The following NRCAM variants were observed in gnomAD, a reference collection of about 807,000 sequenced individuals.
NRCAM encodes NgCAM-related cell adhesion molecule.
Under a neutral mutation model 156.5 loss-of-function variants are expected in NRCAM, and 83 were observed. That is an observed-to-expected ratio of 0.53 (90% CI 0.44 to 0.64). NRCAM has a LOEUF of 0.64. NRCAM is among the 30% of genes least tolerant of loss of function. NRCAM has a pLI of 0.00. For synonymous variants in NRCAM, 538 were observed against 563.9 expected, an observed-to-expected ratio of 0.95 and a Z score of 0.65; for missense variants, 1,417 against 1,597.3, an observed-to-expected ratio of 0.89 and a Z score of 1.92.
chr7:108,438,079 A>T (rs940747432), intron 1 of NRCAM, among the ~76,000 whole-genome samples: 1 of 151,880 alleles, frequency 6.6e-6, no homozygotes, highest in Non-Finnish European at 1.5e-5. Context: ...AAATATTCCT[A>T]AAAGAAAAAT....
chr7:108,322,629 T>G (rs2099016021), intron 2 of NRCAM, among the ~76,000 whole-genome samples: 1 of 152,168 alleles, frequency 6.6e-6, no homozygotes, highest in Non-Finnish European at 1.5e-5. Flanking sequence ...AAACCTGCAT[T>G]ATAGATATCT....
chr7:108,332,068 A>AT (rs2099132632), intron 2 of NRCAM, among the ~76,000 whole-genome samples: 1 of 152,176 alleles, frequency 6.6e-6, no homozygotes, highest in Admixed American at 6.5e-5. Context: ...GGCATCAAAG[A>AT]GTGTGTTTCT....
intron 12 of NRCAM, 43 bp downstream of exon 12, chr7:108,209,378 G>A (rs2082863653): frequency 7.7e-7 from 1 of 1,305,268 alleles, no homozygotes; most frequent in East Asian, 2.6e-5. Flanking sequence ...AAAGTTTCAG[G>A]GTCTCTCATG....
chr7:108,455,050 CCGCGGG>C (rs1341319503), intron 1 of NRCAM, among the ~76,000 whole-genome samples: 3 of 152,250 alleles, frequency 2.0e-5, no homozygotes, highest in Admixed American at 6.5e-5. Context: ...GAAGATGTGG[CCGCGGG>C]CGCGGGCGGG....
intron 29 of NRCAM, among the ~76,000 whole-genome samples, chr7:108,167,714 T>C (rs892166412): frequency 6.6e-6 from 1 of 152,216 alleles, no homozygotes; most frequent in African/African-American, 2.4e-5. Context: ...TTTCATAAAC[T>C]GCTGAAAGTG....
intron 2 of NRCAM, among the ~76,000 whole-genome samples, chr7:108,345,618 A>G (rs2099347651): frequency 6.6e-6 from 1 of 152,206 alleles, no homozygotes; most frequent in Non-Finnish European, 1.5e-5. Flanking sequence ...ATTAATGGCC[A>G]TATAAGAAAA....
chr7:108,382,195 G>A (rs2099704566), intron 2 of NRCAM, among the ~76,000 whole-genome samples: 1 of 151,680 alleles, frequency 6.6e-6, no homozygotes. Flanking sequence ...CCGGAGGAGG[G>A]AGATTTTGCT....
rs1479757821 is a variant in NRCAM, at chr7:108,175,376, G to A, written c.3152-19C>T. 3.2e-6 allele frequency: 5 copies of A among 1,557,402 alleles called. No individual in the cohort carries two copies. Among genetic ancestry groups the A allele is most frequent in the Non-Finnish European group, 4.4e-6 (5 of 1,148,840 alleles). On this transcript the variant is annotated intron_variant, in intron 27 of 32. Coordinates refer to ENST00000379028, the MANE Select transcript of NRCAM (RefSeq NM_001037132.4). ...ATACCAGCTTTAATGAAGGGAAACA[G>A]AAATAGGACACTATATAGTTAGATG...
At chr7:108,175,715 C>A (rs938037737) in intron 27 of NRCAM, among the ~76,000 whole-genome samples, 1 of 152,058 alleles carries the variant, frequency 6.6e-6, no homozygotes, top group East Asian at 1.9e-4. Context: ...AATGAATAAT[C>A]CTTAAGCAAC....
intron 3 of NRCAM, among the ~76,000 whole-genome samples, chr7:108,271,234 T>A (rs768113543): frequency 6.6e-6 from 1 of 152,170 alleles, no homozygotes; most frequent in Non-Finnish European, 1.5e-5. Flanking sequence ...ATAAAACATA[T>A]ACTTAAAGAT....
chr7:108,280,942 T>C (rs1181161248), intron 3 of NRCAM, among the ~76,000 whole-genome samples: 3 of 152,196 alleles, frequency 2.0e-5, no homozygotes, highest in African/African-American at 7.2e-5. Flanking sequence ...ATTCAATATT[T>C]AAAAATTAAA....
chr7:108,378,231 T>C (rs2099684575), intron 2 of NRCAM, among the ~76,000 whole-genome samples: 1 of 152,104 alleles, frequency 6.6e-6, no homozygotes, highest in African/African-American at 2.4e-5. Flanking sequence ...GGGACTTGAA[T>C]ACTTAAGCAA....
At chr7:108,437,988 C>T (rs1314658321) in intron 1 of NRCAM, among the ~76,000 whole-genome samples, 1 of 149,446 alleles carries the variant, frequency 6.7e-6, no homozygotes. Flanking sequence ...TTACTGAAAC[C>T]AACTCAAGGA....
At chr7:108,378,582 G>A (rs1466075169) in intron 2 of NRCAM, among the ~76,000 whole-genome samples, 1 of 145,564 alleles carries the variant, frequency 6.9e-6, no homozygotes, top group Non-Finnish European at 1.5e-5. Flanking sequence ...CAGAATAGAT[G>A]AAATACACAA....
chr7:108,250,471 T>C (rs1376945725), intron 3 of NRCAM, among the ~76,000 whole-genome samples: 1 of 147,366 alleles, frequency 6.8e-6, no homozygotes, highest in Non-Finnish European at 1.5e-5. Flanking sequence ...GATCCTGTCA[T>C]TTGTAACAAC....
At chr7:108,282,439 G>T (rs2097897087) in intron 3 of NRCAM, among the ~76,000 whole-genome samples, 1 of 152,082 alleles carries the variant, frequency 6.6e-6, no homozygotes, top group Non-Finnish European at 1.5e-5. Context: ...TTTTTTAAAA[G>T]AAATTTTTGC....
chr7:108,275,162 G>A (rs2097545841), intron 3 of NRCAM, among the ~76,000 whole-genome samples: 1 of 152,146 alleles, frequency 6.6e-6, no homozygotes, highest in Non-Finnish European at 1.5e-5. Context: ...GAGGATTTTT[G>A]CATCGATATT....
At chr7:108,410,660 AAGG>A (rs1466278808) in intron 1 of NRCAM, among the ~76,000 whole-genome samples, 2 of 152,208 alleles carry the variant, frequency 1.3e-5, no homozygotes, top group African/African-American at 2.4e-5. Flanking sequence ...AGAACTTTGT[AAGG>A]AGAACTGTCC....
rs2094075226 is a variant in NRCAM, at chr7:108,229,884, AG to A, written c.550+1146del. 3.3e-5 allele frequency among the ~76,000 whole-genome samples: 5 copies of A among 152,202 alleles called. No homozygotes were observed. The South Asian group carries it at 1.0e-3, about 32-fold the overall frequency. ...CAAACATGCCCTTGAGGACAGAAAC[AG>A]GGGTAGACAAGTTTGAAATTGCCTA... On this transcript the variant is annotated intron_variant, in intron 8 of 32. Coordinates refer to ENST00000379028, the MANE Select transcript of NRCAM (RefSeq NM_001037132.4).
Sources: gnomAD v4.1 joint callset for allele counts (sites outside exome capture counted in the v4.1 genomes callset) on GRCh38, gnomAD v4.1.1 for gene constraint, MANE v1.5 for transcripts, NCBI Gene and HGNC (gene_info 2026-07-23, HGNC 2026-07-21) for gene names.